CTNND2: variants seen among roughly 807,000 people sequenced by gnomAD.
CTNND2 encodes catenin delta-2.
In CTNND2, 22 loss-of-function variants were observed where a neutral mutation model predicts 144.4. That is an observed-to-expected ratio of 0.15 (90% confidence interval 0.11 to 0.22). The LOEUF is 0.22. Among genes scored for constraint, CTNND2 ranks in the 10% least tolerant of loss-of-function variants. CTNND2 has a pLI of 1.00. For missense variants in CTNND2, 1,353 were observed against 1,618.8 expected (o/e 0.84, Z 2.82); for synonymous variants, 751 against 695.6 (o/e 1.08, Z -1.25).
intron 3 of CTNND2, among the ~76,000 whole-genome samples, chr5:11,500,255 G>A (rs1404170002): frequency 6.6e-6 from 1 of 152,102 alleles, no homozygotes; most frequent in African/African-American, 2.4e-5. Flanking sequence ...CAATATGCAT[G>A]GGAGTGTCTG....
At chr5:11,637,300 A>G (rs1425450651) in intron 2 of CTNND2, among the ~76,000 whole-genome samples, 1 of 152,190 alleles carries the variant, frequency 6.6e-6, no homozygotes, top group Admixed American at 6.5e-5. Flanking sequence ...TCAGAAGTAT[A>G]GAGATATATT....
At chr5:11,412,537 G>A (rs1026339892) in intron 3 of CTNND2, among the ~76,000 whole-genome samples, 1 of 151,908 alleles carries the variant, frequency 6.6e-6, no homozygotes, top group Non-Finnish European at 1.5e-5. Flanking sequence ...GTTGATTTAA[G>A]AGTTTAAGTA....
intron 2 of CTNND2, among the ~76,000 whole-genome samples, chr5:11,591,554 T>C (rs200751495): frequency 7.5e-5 from 4 of 52,984 alleles, no homozygotes; most frequent in East Asian, 2.8e-4. Context: ...GCTATTTTTT[T>C]CTTTTTTTTG....
intron 2 of CTNND2, among the ~76,000 whole-genome samples, chr5:11,730,911 G>A (rs1395211263): frequency 2.0e-5 from 3 of 152,164 alleles, no homozygotes; most frequent in East Asian, 3.9e-4. Context: ...AAGAAAGCAC[G>A]ACATAACCCA....
chr5:11,330,392 G>A (rs1482757311), intron 9 of CTNND2, among the ~76,000 whole-genome samples: 1 of 142,310 alleles, frequency 7.0e-6, no homozygotes, highest in Non-Finnish European at 1.5e-5. Flanking sequence ...GCTGAAGCAG[G>A]AGAATGGCAT....
At chr5:11,314,797 A>G (rs1247015813) in intron 9 of CTNND2, among the ~76,000 whole-genome samples, 1 of 152,194 alleles carries the variant, frequency 6.6e-6, no homozygotes, top group Non-Finnish European at 1.5e-5. Context: ...CCCTGAAGAA[A>G]TGAATGTCTT....
intron 16 of CTNND2, among the ~76,000 whole-genome samples, chr5:11,073,726 G>GA (rs1306125009): frequency 6.6e-6 from 1 of 152,198 alleles, no homozygotes; most frequent in African/African-American, 2.4e-5. Flanking sequence ...TGGGGTTTAG[G>GA]AGATGGGAGC....
Position 11,903,707 on chromosome 5 carries a change from C to CA in CTNND2, c.37+109_37+110insT. 1 of 1,160,080 alleles carries CA rather than the reference C, an allele frequency of 8.6e-7. No individual in the cohort carries two copies. The highest frequency in any genetic ancestry group is 1.1e-6 in the Non-Finnish European group (1 of 882,066). The allele number at this position is 1,160,080 out of a possible 1,614,324, so 71.9% of individuals were successfully genotyped here. A position where few individuals can be genotyped will look rare whatever the true frequency, so the allele number is the denominator to read the frequency against. On this transcript the variant is annotated intron_variant, in intron 1 of 21. Coordinates refer to ENST00000304623, the MANE Select transcript of CTNND2 (RefSeq NM_001332.4). The surrounding 1 kb of genome is among the most constrained non-coding windows in gnomAD (Gnocchi z 5.4). The stretch of plus-strand genomic sequence containing the variant: ...GCAGAAACCCCGCAGCAGCCGCCGC[C>CA]GCCGCCTGCCGGCCGGGAGCCCAGG...
intron 3 of CTNND2, among the ~76,000 whole-genome samples, chr5:11,444,164 G>C (rs990589600): frequency 9.9e-5 from 15 of 152,188 alleles, no homozygotes; most frequent in African/African-American, 3.6e-4. Flanking sequence ...TCAACTGACT[G>C]AATGCACTGT....
intron 14 of CTNND2, among the ~76,000 whole-genome samples, chr5:11,108,733 A>G (rs753166419): frequency 6.6e-6 from 1 of 152,124 alleles, no homozygotes; most frequent in Non-Finnish European, 1.5e-5. Flanking sequence ...CCCTCTGCCC[A>G]TGGTCAATCT....
At chr5:11,375,365 T>C (rs1037804580) in intron 7 of CTNND2, among the ~76,000 whole-genome samples, 3 of 152,348 alleles carry the variant, frequency 2.0e-5, no homozygotes, top group African/African-American at 7.2e-5. Context: ...ACTTATATTT[T>C]ACAACTTCTC....
At chr5:11,025,650 G>A (rs1256235230) in intron 16 of CTNND2, among the ~76,000 whole-genome samples, 4 of 152,218 alleles carry the variant, frequency 2.6e-5, no homozygotes, top group African/African-American at 7.2e-5. Context: ...TTTCAGAATA[G>A]TAAAACTGAG....
intron 19 of CTNND2, among the ~76,000 whole-genome samples, chr5:10,989,735 A>T (rs1738449686): frequency 6.6e-6 from 1 of 152,200 alleles, no homozygotes; most frequent in South Asian, 2.1e-4. Context: ...AGACATGCAG[A>T]TCACGTGGCT....
At chr5:11,891,017 G>A (rs1736914318) in intron 1 of CTNND2, among the ~76,000 whole-genome samples, 1 of 152,224 alleles carries the variant, frequency 6.6e-6, no homozygotes, top group Non-Finnish European at 1.5e-5. Flanking sequence ...TGGCCAGCCA[G>A]GAGCCTGCTG....
intron 12 of CTNND2, among the ~76,000 whole-genome samples, chr5:11,133,180 A>G (rs1448635018): frequency 1.3e-5 from 2 of 152,200 alleles, no homozygotes; most frequent in Admixed American, 1.3e-4. Flanking sequence ...TATATTTCAT[A>G]TAAGAAAAAA....
intron 16 of CTNND2, among the ~76,000 whole-genome samples, chr5:11,045,932 G>C (rs1026890759): frequency 6.6e-6 from 1 of 152,014 alleles, no homozygotes; most frequent in Non-Finnish European, 1.5e-5. Flanking sequence ...TGGAGACTCA[G>C]GACCTTCCTC....
intron 1 of CTNND2, among the ~76,000 whole-genome samples, chr5:11,747,249 A>G (rs967398435): frequency 1.4e-4 from 21 of 152,190 alleles, no homozygotes; most frequent in Admixed American, 1.2e-3. Flanking sequence ...AAAGTCTGGG[A>G]TTCTAAAATT....
intron 16 of CTNND2, among the ~76,000 whole-genome samples, chr5:11,045,232 A>G (rs1240206619): frequency 6.6e-6 from 1 of 152,190 alleles, no homozygotes; most frequent in Non-Finnish European, 1.5e-5. Context: ...TATTTGGATC[A>G]TGGTTCTGCA....
intron 1 of CTNND2, among the ~76,000 whole-genome samples, chr5:11,775,964 G>A (rs1581865189): frequency 6.6e-6 from 1 of 152,238 alleles, no homozygotes; most frequent in East Asian, 1.9e-4. Context: ...AGAGGGTAGA[G>A]TATCCTGCCA....
Sources: gnomAD v4.1 joint callset for allele counts (sites outside exome capture counted in the v4.1 genomes callset) on GRCh38, gnomAD v4.1.1 for gene constraint, Gnocchi (gnomAD v3.1) non-coding constraint, MANE v1.5 for transcripts, NCBI Gene and HGNC (gene_info 2026-07-23, HGNC 2026-07-21) for gene names.